The following KIF6 variants were observed in gnomAD, a reference collection of about 807,000 sequenced individuals.
The protein encoded by KIF6 is kinesin family member 6, also known as kinesin-like protein KIF6.
KIF6 carries 106 observed loss-of-function variants against 112.7 expected under a neutral mutation model. The ratio of observed to expected loss-of-function variants is 0.94; its 90% CI spans 0.80 to 1.11. KIF6 has a LOEUF of 1.11. Ranked by LOEUF, KIF6 falls within the 50% of genes least tolerant of loss-of-function variation. KIF6 has a pLI of 0.00. For missense variants in KIF6, 929 were observed against 964.0 expected (o/e 0.96, Z 0.48); for synonymous variants, 339 against 339.9 (o/e 1.00, Z 0.03).
chr6:39,621,435 C>T (rs929914828), intron 5 of KIF6, among the ~76,000 whole-genome samples: 22 of 152,302 alleles, frequency 1.4e-4, no homozygotes, highest in African/African-American at 4.8e-4. Context: ...CCTGGCCTCC[C>T]GCCATGTGCT....
intron 18 of KIF6, 127 bp downstream of exon 18, chr6:39,360,268 G>T: frequency 9.7e-7 from 1 of 1,036,032 alleles, no homozygotes; most frequent in South Asian, 1.7e-5. Context: ...GTGAGCACCT[G>T]CTTCATGAGC....
chr6:39,684,529 C>T (rs1458686141), intron 3 of KIF6, among the ~76,000 whole-genome samples: 2 of 151,580 alleles, frequency 1.3e-5, no homozygotes, highest in African/African-American at 4.9e-5. Context: ...GCAAAAGAAT[C>T]ACTTTGAACC....
At chr6:39,492,916 A>G (rs1204340653) in intron 13 of KIF6, among the ~76,000 whole-genome samples, 1 of 152,126 alleles carries the variant, frequency 6.6e-6, no homozygotes, top group Non-Finnish European at 1.5e-5. Context: ...TATTGTTGTG[A>G]CTTCCTTTTC....
chr6:39,453,365 C>T (rs978474219), intron 13 of KIF6, among the ~76,000 whole-genome samples: 2 of 152,200 alleles, frequency 1.3e-5, no homozygotes, highest in African/African-American at 4.8e-5. Context: ...TTTGTGTTTT[C>T]TGGAATGGTT....
At position 39,596,163 on chromosome 6, in the gene KIF6, A is replaced by G; in HGVS notation, c.737T>C (p.Leu246Pro). 1 of 1,614,010 alleles carries G rather than the reference A, an allele frequency of 6.2e-7. No individual in the cohort carries two copies. The highest frequency in any genetic ancestry group is 8.5e-7 in the Non-Finnish European group (1 of 1,179,960). ...PGSATVRHAK[L>P]HLVDLAGSER... ...TGAACCAGCCAGGTCAACCAGATGG[A>G]GTTTGGCATGTCGTACAGTTGCAGA... The change falls in exon 7 of 23, where the codon CTC becomes CCC. Residue 246 changes from leucine to proline, a missense_variant. Leu to Pro is a moderately conservative substitution (Grantham distance 98). Transcript: ENST00000287152.
chr6:39,711,876 C>G (rs1789576448), intron 3 of KIF6, among the ~76,000 whole-genome samples: 1 of 152,104 alleles, frequency 6.6e-6, no homozygotes. Context: ...AGTATCCTAA[C>G]ATTCTTGACT....
rs199674587 is a variant in KIF6, at chr6:39,540,062, G to A, written c.1586C>T (p.Ser529Leu). ...GQRMRLSSAP[S>L]QAQDFSILGK... Reference sequence around the variant, plus strand: ...CAAAATGCTGAAGTCCTGGGCCTGTGAGGGAGCTGAGGATAGTCGCATTCT... The same window carrying A: ...CAAAATGCTGAAGTCCTGGGCCTGTAAGGGAGCTGAGGATAGTCGCATTCT... The change falls in exon 13 of 23, where the codon TCA becomes TTA. Residue 529 changes from serine to leucine, a missense_variant. Physicochemically the swap from Ser to Leu is moderately radical, Grantham distance 145. This residue lies in a region of KIF6 where 688 missense variants were observed against 662.7 expected (regional missense o/e 1.04). Coordinates refer to ENST00000287152, the MANE Select transcript of KIF6 (RefSeq NM_145027.6). 151 of 1,613,956 alleles carry A rather than the reference G, an allele frequency of 9.4e-5. 1 individual carries two copies. The highest frequency in any genetic ancestry group is 3.3e-4 in the Middle Eastern group (2 of 6,084).
At position 39,687,525 on chromosome 6, in the gene KIF6, G is replaced by A. The variant is rs1787946699; in HGVS notation, c.251+27167C>T. On this transcript the variant is annotated intron_variant, in intron 3 of 22. Transcript: ENST00000287152. ...GTATCATTCTTTCATTCTTTCCTGG[G>A]TAAAAGGGAAAAAATAATCAGCATC... Among the ~76,000 whole-genome samples, 3 of 152,010 alleles carry A rather than the reference G, an allele frequency of 2.0e-5. 1 individual carries two copies. In the South Asian group the frequency reaches 6.2e-4, roughly 32 times the overall value.
intron 6 of KIF6, among the ~76,000 whole-genome samples, chr6:39,608,227 C>T (rs541812719): frequency 3.2e-4 from 49 of 152,276 alleles, no homozygotes; most frequent in South Asian, 3.1e-3. Flanking sequence ...ACATGCTCCA[C>T]GGTTTATGAC....
At chr6:39,423,109 G>T (rs1452122680) in intron 14 of KIF6, among the ~76,000 whole-genome samples, 1 of 152,206 alleles carries the variant, frequency 6.6e-6, no homozygotes, top group Non-Finnish European at 1.5e-5. Flanking sequence ...GTGTAAGATA[G>T]CTGGGTGCAG....
chr6:39,392,812 G>C (rs1235073853), intron 15 of KIF6, among the ~76,000 whole-genome samples: 1 of 152,226 alleles, frequency 6.6e-6, no homozygotes, highest in Non-Finnish European at 1.5e-5. Flanking sequence ...TAGAATTCTA[G>C]AAGAGAATGG....
chr6:39,538,943 C>A (rs1291116801), intron 13 of KIF6, among the ~76,000 whole-genome samples: 1 of 150,882 alleles, frequency 6.6e-6, no homozygotes, highest in East Asian at 2.0e-4. Flanking sequence ...TGGAAATCAT[C>A]ATTCTCAGTA....
rs1311211916 is a variant in KIF6 at position 39,343,198 on chromosome 6, G to A, written c.2428+511C>T. The stretch of plus-strand genomic sequence containing the variant: ...CCAAGAAGAGCCTTCTTCTCTTCCT[G>A]TTGTCTGACACGCCACTCTTACTTC... On this transcript the variant is annotated intron_variant, in intron 22 of 22. Coordinates refer to ENST00000287152, the MANE Select transcript of KIF6 (RefSeq NM_145027.6). The surrounding 1 kb of genome is among the most constrained non-coding windows in gnomAD (Gnocchi z 4.1). The A allele has an allele frequency of 3.3e-6, 4 of 1,214,448 alleles. No homozygotes were observed. The highest frequency in any genetic ancestry group is 3.1e-5 in the Admixed American group (1 of 32,442). The allele number at this position is 1,214,448 out of a possible 1,614,324, so 75.2% of individuals were successfully genotyped here.
At chr6:39,586,673 C>T (rs1401314843) in intron 7 of KIF6, among the ~76,000 whole-genome samples, 2 of 152,108 alleles carry the variant, frequency 1.3e-5, no homozygotes, top group Non-Finnish European at 2.9e-5. Flanking sequence ...ACTGGATACA[C>T]TATTATTCTG....
At chr6:39,630,332 TC>T (rs766273520) in intron 5 of KIF6, among the ~76,000 whole-genome samples, 1 of 152,100 alleles carries the variant, frequency 6.6e-6, no homozygotes, top group Non-Finnish European at 1.5e-5. Context: ...ACATGGAATA[TC>T]TTTTTATTTA....
chr6:39,697,251 T>C (rs952804075), intron 3 of KIF6, among the ~76,000 whole-genome samples: 4 of 152,080 alleles, frequency 2.6e-5, no homozygotes, highest in South Asian at 4.1e-4. Flanking sequence ...GCTCCATGCC[T>C]CTAGTGACAG....
At chr6:39,377,920 A>AG (rs1562150911) in intron 16 of KIF6, among the ~76,000 whole-genome samples, 2 of 152,082 alleles carry the variant, frequency 1.3e-5, no homozygotes, top group Non-Finnish European at 2.9e-5. Flanking sequence ...CAGTGAGAAG[A>AG]GGGAGGAGGG....
At chr6:39,705,433 A>T (rs866014207) in intron 3 of KIF6, among the ~76,000 whole-genome samples, 3 of 152,240 alleles carry the variant, frequency 2.0e-5, no homozygotes, top group African/African-American at 4.8e-5. Context: ...AACTCACTTT[A>T]TAAGAAATAA....
intron 10 of KIF6, among the ~76,000 whole-genome samples, chr6:39,555,402 C>A (rs1375776872): frequency 1.3e-5 from 2 of 152,130 alleles, no homozygotes; most frequent in Admixed American, 6.5e-5. Flanking sequence ...TGCTGCCCCC[C>A]ACCCTCTGGC....
Sources: gnomAD v4.1 joint callset for allele counts (sites outside exome capture counted in the v4.1 genomes callset) on GRCh38, gnomAD v4.1.1 for gene constraint, gnomAD v4.1.1 regional missense constraint, Gnocchi (gnomAD v3.1) non-coding constraint, MANE v1.5 for transcripts, NCBI Gene and HGNC (gene_info 2026-07-23, HGNC 2026-07-21) for gene names.